Variants in HUNK observed in about 807,000 individuals in gnomAD.
HUNK encodes hormonally up-regulated Neu-associated kinase, also known as hormonally up-regulated neu tumor-associated kinase.
Under a neutral mutation model 61.0 loss-of-function variants are expected in HUNK, and 21 were observed. The observed-to-expected ratio is 0.34, with a 90% CI of 0.24 to 0.50. The LOEUF is 0.50. Ranked by LOEUF, HUNK falls within the 20% of genes least tolerant of loss-of-function variation. The probability of loss-of-function intolerance (pLI) is 0.98; values close to 1 mark genes in which losing one functional copy is unlikely to be tolerated. For synonymous variants in HUNK, 371 were observed against 386.1 expected (o/e 0.96, Z 0.46); for missense variants, 772 against 945.7 (o/e 0.82, Z 2.41).
chr21:31,939,399 G>GTTTTTTTTTTTTT, intron 2 of HUNK, among the ~76,000 whole-genome samples: 1 of 66,720 alleles, frequency 1.5e-5, no homozygotes, highest in Non-Finnish European at 2.7e-5. Flanking sequence ...GCTTTCATGT[G>GTTTTTTTTTTTTT]TTTTTTTTTT....
chr21:32,000,862 T>C lies in HUNK; in HGVS notation c.*1678T>C, dbSNP rs976348177. ...TTGGTGAGACCTGGAGCTGCCTGTT[T>C]CTTCCCTAGGGGATCACCACGGCTC... On this transcript the variant is annotated 3_prime_UTR_variant, in exon 11 of 11. Coordinates refer to ENST00000270112, the MANE Select transcript of HUNK (RefSeq NM_014586.2). The C allele has an allele frequency of 2.5e-6, 1 of 397,830 alleles. No individual in the cohort carries two copies. Among genetic ancestry groups the C allele is most frequent in the Non-Finnish European group, 4.4e-6 (1 of 226,084 alleles). 24.6% of individuals were successfully genotyped at this position (397,830 alleles called of 1,614,324 possible).
rs1158433476 is a variant in HUNK at position 32,002,010 on chromosome 21, G to T, written c.*2826G>T. On this transcript the variant is annotated 3_prime_UTR_variant, in exon 11 of 11. Coordinates refer to ENST00000270112, the MANE Select transcript of HUNK (RefSeq NM_014586.2). ...AATACACTTTTCCCTCACTACGACTGCTTCTTTATTTGCTGATAAATCTTA... is the reference window on the plus strand; with the variant it reads ...AATACACTTTTCCCTCACTACGACTTCTTCTTTATTTGCTGATAAATCTTA... 6.6e-6 allele frequency: 1 copy of T among 152,654 alleles called. No individual in the cohort carries two copies. Among genetic ancestry groups the T allele is most frequent in the Non-Finnish European group, 1.5e-5 (1 of 68,042 alleles). 9.5% of individuals were successfully genotyped at this position (152,654 alleles called of 1,614,324 possible). A position where few individuals can be genotyped will look rare whatever the true frequency, so the allele number is the denominator to read the frequency against.
chr21:31,875,421 G>C (rs1409641835), intron 1 of HUNK, among the ~76,000 whole-genome samples: 3 of 152,230 alleles, frequency 2.0e-5, no homozygotes, highest in Non-Finnish European at 4.4e-5. Flanking sequence ...GATAGAGTGA[G>C]TAGTTTTTAG....
In HUNK at chr21:31,873,511, C is replaced by T. The variant is rs878892794; in HGVS notation, c.-164C>T. 22 of 418,596 alleles carry T rather than the reference C, an allele frequency of 5.3e-5. No homozygotes were observed. The East Asian group carries it at 3.0e-3, about 58-fold the overall frequency. 25.9% of individuals were successfully genotyped at this position (418,596 alleles called of 1,614,324 possible). A position where few individuals can be genotyped will look rare whatever the true frequency, so the allele number is the denominator to read the frequency against. On this transcript the variant is annotated 5_prime_UTR_variant, in exon 1 of 11. Transcript: ENST00000270112. This position sits in a 1 kb window ranked among gnomAD's most constrained non-coding sequence, Gnocchi z 6.1. ...ATTGTCTACGCGCCTCGCTGGGCGG[C>T]GCGGGGGGCGTGATCGCGGCGGCCC...
chr21:31,923,535 G>T (rs534193323), intron 1 of HUNK, among the ~76,000 whole-genome samples: 64 of 137,140 alleles, frequency 4.7e-4, no homozygotes, highest in African/African-American at 1.6e-3. Context: ...GGAAGGGAGG[G>T]AGGAAGGAAG....
At chr21:31,907,777 G>A (rs941149872) in intron 1 of HUNK, among the ~76,000 whole-genome samples, 1 of 152,124 alleles carries the variant, frequency 6.6e-6, no homozygotes, top group African/African-American at 2.4e-5. Context: ...ATCACTTGAG[G>A]TCAGGAGTTT....
intron 4 of HUNK, among the ~76,000 whole-genome samples, chr21:31,950,566 A>G (rs2052842495): frequency 6.6e-6 from 1 of 152,132 alleles, no homozygotes; most frequent in South Asian, 2.1e-4. Flanking sequence ...GAAAACATAA[A>G]ACTTCAGCAC....
intron 1 of HUNK, among the ~76,000 whole-genome samples, chr21:31,920,498 T>C (rs968811662): frequency 1.3e-5 from 2 of 152,228 alleles, no homozygotes; most frequent in African/African-American, 4.8e-5. Flanking sequence ...ATTTTTTAGA[T>C]ACTGCCACAC....
intron 1 of HUNK, among the ~76,000 whole-genome samples, chr21:31,905,154 A>G (rs1346798388): frequency 6.6e-6 from 1 of 152,098 alleles, no homozygotes; most frequent in Admixed American, 6.6e-5. Context: ...TGGTGTCTTT[A>G]TAAGAAGAGG....
intron 1 of HUNK, among the ~76,000 whole-genome samples, chr21:31,874,169 C>T (rs1006353966): frequency 2.0e-5 from 3 of 151,938 alleles, no homozygotes; most frequent in African/African-American, 7.2e-5. Flanking sequence ...GACGGCCTTG[C>T]CCCGGGAAGC....
intron 5 of HUNK, 98 bp from the exon 6 acceptor site, chr21:31,968,152 T>C (rs1166207633): frequency 1.4e-6 from 2 of 1,433,554 alleles, no homozygotes; most frequent in African/African-American, 2.8e-5. Context: ...TGACTCGGGA[T>C]GGGCAGGCAA....
At chr21:31,919,399 T>G (rs1008946583) in intron 1 of HUNK, among the ~76,000 whole-genome samples, 2 of 152,006 alleles carry the variant, frequency 1.3e-5, no homozygotes, top group African/African-American at 4.8e-5. Flanking sequence ...TGCACAGAAG[T>G]TGGAAGGTAC....
At chr21:31,879,463 C>T (rs976909977) in intron 1 of HUNK, among the ~76,000 whole-genome samples, 2 of 152,196 alleles carry the variant, frequency 1.3e-5, no homozygotes, top group African/African-American at 2.4e-5. Context: ...GAAATTGGCA[C>T]GTAGGGCCTG....
intron 5 of HUNK, among the ~76,000 whole-genome samples, chr21:31,959,951 A>G (rs1441437111): frequency 6.6e-6 from 1 of 152,222 alleles, no homozygotes; most frequent in Non-Finnish European, 1.5e-5. Context: ...CAAAGGAGGC[A>G]TTAAGTCCTT....
intron 1 of HUNK, among the ~76,000 whole-genome samples, chr21:31,904,246 G>C (rs1483195489): frequency 2.6e-5 from 4 of 151,844 alleles, no homozygotes; most frequent in African/African-American, 9.7e-5. Flanking sequence ...TCTACTCTTC[G>C]GGCCCCTTCT....
At chr21:31,986,574 T>C (rs1445737485) in intron 8 of HUNK, among the ~76,000 whole-genome samples, 4 of 152,036 alleles carry the variant, frequency 2.6e-5, no homozygotes, top group African/African-American at 4.8e-5. Flanking sequence ...CCAGGCAGAC[T>C]CCGTGCATGG....
Position 32,000,554 on chromosome 21 carries a change from G to T in HUNK, c.*1370G>T. 1 of 399,202 alleles carries T rather than the reference G, an allele frequency of 2.5e-6. No individual in the cohort carries two copies. Among genetic ancestry groups the T allele is most frequent in the Non-Finnish European group, 4.4e-6 (1 of 226,178 alleles). The allele number at this position is 399,202 out of a possible 1,614,324, so 24.7% of individuals were successfully genotyped here. A position where few individuals can be genotyped will look rare whatever the true frequency, so the allele number is the denominator to read the frequency against. On this transcript the variant is annotated 3_prime_UTR_variant, in exon 11 of 11. Coordinates refer to ENST00000270112, the MANE Select transcript of HUNK (RefSeq NM_014586.2). ...ACCCATCAGCACAGGTTGGATAGGGGTTAGTGTAGGAGACCAGTTACAGAA... is the reference window on the plus strand; with the variant it reads ...ACCCATCAGCACAGGTTGGATAGGGTTTAGTGTAGGAGACCAGTTACAGAA...
intron 1 of HUNK, among the ~76,000 whole-genome samples, chr21:31,886,749 G>A (rs565141182): frequency 2.0e-5 from 3 of 152,030 alleles, no homozygotes; most frequent in South Asian, 2.1e-4. Flanking sequence ...GGGTTCAAGC[G>A]ATTCTCCTGC....
At chr21:31,989,524 G>T (rs1244503203) in intron 8 of HUNK, among the ~76,000 whole-genome samples, 1 of 152,006 alleles carries the variant, frequency 6.6e-6, no homozygotes, top group Non-Finnish European at 1.5e-5. Flanking sequence ...GGCCAGCCTG[G>T]CCAACATGGT....
Sources: allele counts gnomAD v4.1 joint callset (sites outside exome capture counted in the v4.1 genomes callset), GRCh38; gene constraint gnomAD v4.1.1; non-coding constraint Gnocchi (gnomAD v3.1); transcripts MANE v1.5; gene names NCBI Gene and HGNC (gene_info 2026-07-23, HGNC 2026-07-21).